The following APOO variants were observed in gnomAD, a reference collection of about 807,000 sequenced individuals.
The protein encoded by APOO is MICOS complex subunit MIC26.
APOO carries 11 observed loss-of-function variants against 23.1 expected under a neutral mutation model. The observed-to-expected ratio is 0.48, with a 90% confidence interval of 0.30 to 0.79. The LOEUF (loss-of-function observed/expected upper bound fraction) is 0.79, where lower values mean the gene tolerates loss of function less well. Ranked by LOEUF, APOO falls within the 30% of genes least tolerant of loss-of-function variation. The pLI is 0.07. For missense variants in APOO, 160 were observed against 142.7 expected (o/e 1.12, Z -0.62); for synonymous variants, 59 against 54.8 (o/e 1.08, Z -0.34).
intron 1 of APOO, among the ~76,000 whole-genome samples, chrX:23,896,085 C>T (rs1324067646): frequency 1.8e-5 from 2 of 110,152 alleles, no homozygotes; most frequent in African/African-American, 3.3e-5. Context: ...ATGACCAACA[C>T]GGTGAAACCC....
intron 8 of APOO, chrX:23,840,092 C>T (rs12012162): frequency 0.053 from 12,876 of 242,923 alleles, 1,244 homozygotes; most frequent in African/African-American, 0.3. Context: ...CAAATCCCAA[C>T]TGTCTGGTTC....
At chrX:23,839,831 T>C (rs1182398084) in intron 8 of APOO, among the ~76,000 whole-genome samples, 1 of 111,671 alleles carries the variant, frequency 9.0e-6, no homozygotes, top group Non-Finnish European at 1.9e-5. Context: ...TTTCCTGTAG[T>C]TGAATATCTA....
chrX:23,893,484 G>A (rs1443177705), intron 1 of APOO, among the ~76,000 whole-genome samples: 1 of 111,253 alleles, frequency 9.0e-6, no homozygotes, highest in Admixed American at 9.6e-5. Context: ...CACAATTCTT[G>A]AAACGTCAAA....
chrX:23,866,455 T>A (rs1235226599), intron 5 of APOO, among the ~76,000 whole-genome samples: 1 of 111,492 alleles, frequency 9.0e-6, no homozygotes, highest in African/African-American at 3.3e-5. Context: ...CAGGGCAGTG[T>A]CTACCCTCCA....
At chrX:23,898,239 C>T (rs1427894593) in intron 1 of APOO, among the ~76,000 whole-genome samples, 2 of 108,791 alleles carry the variant, frequency 1.8e-5, no homozygotes, top group African/African-American at 6.7e-5. Context: ...GCTGGGACTA[C>T]AGGCAGGCAC....
In APOO at chrX:23,850,426, G is replaced by C. The variant is rs921820631; in HGVS notation, c.561+5876C>G. On this transcript the variant is annotated intron_variant, in intron 7 of 8. Coordinates refer to ENST00000379226, the MANE Select transcript of APOO (RefSeq NM_024122.5). ...GAAGATATGCAGACCCTATGAATCAGGAACCCTGGTCTAGAAAAATTCTTC... is the reference window on the plus strand; with the variant it reads ...GAAGATATGCAGACCCTATGAATCACGAACCCTGGTCTAGAAAAATTCTTC... Among the ~76,000 whole-genome samples, 6 of 112,009 alleles carry C rather than the reference G, an allele frequency of 5.4e-5. No homozygotes were observed. The Admixed American group carries it at 5.8e-4, about 11-fold the overall frequency.
intron 1 of APOO, among the ~76,000 whole-genome samples, chrX:23,893,741 T>C (rs1187549834): frequency 5.5e-5 from 6 of 110,026 alleles, no homozygotes; most frequent in Non-Finnish European, 9.5e-5. Flanking sequence ...GCTAATTTTT[T>C]TTGTATTTTC....
chrX:23,877,945 A>C (rs979291830), intron 3 of APOO, among the ~76,000 whole-genome samples: 5 of 112,086 alleles, frequency 4.5e-5, no homozygotes, highest in Non-Finnish European at 9.4e-5. Flanking sequence ...ATAGATTGTA[A>C]ACGTTGGTTA....
At chrX:23,867,078 C>G (rs919626069) in intron 5 of APOO, among the ~76,000 whole-genome samples, 1 of 109,562 alleles carries the variant, frequency 9.1e-6, no homozygotes, top group Non-Finnish European at 1.9e-5. Context: ...CCAGCCTGGG[C>G]GACAGAGTGA....
intron 5 of APOO, among the ~76,000 whole-genome samples, chrX:23,861,093 C>T (rs899912904): frequency 9.0e-6 from 1 of 111,167 alleles, no homozygotes; most frequent in Non-Finnish European, 1.9e-5. Flanking sequence ...TGAGCTGTGT[C>T]TATGCCACTG....
rs143362355 is a variant in APOO, at chrX:23,849,583, T to TAAAAAAAAAAAAAAAAA, written c.561+6702_561+6718dup. Among the ~76,000 whole-genome samples, 31 of 32,591 alleles carry TAAAAAAAAAAAAAAAAA rather than the reference T, an allele frequency of 9.5e-4. 5 individuals carry two copies. Among genetic ancestry groups the TAAAAAAAAAAAAAAAAA allele is most frequent in the African/African-American group, 1.2e-3 (9 of 7,233 alleles). The allele number at this position is 32,591 out of a possible 115,157, so 28.3% of individuals were successfully genotyped here. On this transcript the variant is annotated intron_variant, in intron 7 of 8. Transcript: ENST00000379226. ...GGGAGCCTGTAGATTAAGAGAGACT[T>TAAAAAAAAAAAAAAAAA]AAAAAAAAAAAAAAAAAAAAAAAAA... is the stretch of plus-strand genomic sequence containing the variant.
intron 7 of APOO, among the ~76,000 whole-genome samples, chrX:23,843,147 C>T (rs752851221): frequency 8.9e-6 from 1 of 112,112 alleles, no homozygotes; most frequent in East Asian, 2.8e-4. Flanking sequence ...TCGCCAGTAC[C>T]TCAATCTCAA....
At chrX:23,870,859 T>G (rs1404510700) in intron 4 of APOO, among the ~76,000 whole-genome samples, 1 of 110,647 alleles carries the variant, frequency 9.0e-6, no homozygotes, top group Admixed American at 9.8e-5. Context: ...GGGAGGCCGA[T>G]GCAGGCAGAT....
chrX:23,900,803 T>C (rs12009114), intron 1 of APOO, among the ~76,000 whole-genome samples: 7,196 of 111,014 alleles, frequency 0.065, 505 homozygotes, highest in African/African-American at 0.2. Flanking sequence ...TGATCCACTG[T>C]CTAACTTCTT....
At chrX:23,870,561 G>T (rs1026341554) in intron 4 of APOO, among the ~76,000 whole-genome samples, 1 of 100,834 alleles carries the variant, frequency 9.9e-6, no homozygotes, top group Non-Finnish European at 2.0e-5. Context: ...CAAGGTGGGA[G>T]GATTGCTTGA....
At chrX:23,890,479 T>C (rs1926604818) in intron 1 of APOO, among the ~76,000 whole-genome samples, 1 of 112,324 alleles carries the variant, frequency 8.9e-6, no homozygotes, top group Non-Finnish European at 1.9e-5. Context: ...AATTCACTTA[T>C]GCCCCGTTTA....
At position 23,868,200 on chromosome X, in the gene APOO, A is replaced by G. The variant is rs751422592; in HGVS notation, c.388+393T>C. On this transcript the variant is annotated intron_variant, in intron 5 of 8. Transcript: ENST00000379226. Reference sequence around the variant, plus strand: ...GTTTTTGTCATCACTGACTGAAGGCATGACAAATCAAGAAGGTAATAAAAT... The same window carrying G: ...GTTTTTGTCATCACTGACTGAAGGCGTGACAAATCAAGAAGGTAATAAAAT... 8.9e-5 allele frequency among the ~76,000 whole-genome samples: 10 copies of G among 112,297 alleles called. No homozygotes were observed. The South Asian group carries it at 3.7e-3, about 41-fold the overall frequency.
intron 1 of APOO, among the ~76,000 whole-genome samples, chrX:23,884,556 C>T (rs1485174515): frequency 8.9e-6 from 1 of 111,870 alleles, no homozygotes; most frequent in Non-Finnish European, 1.9e-5. Context: ...AACATATGCA[C>T]TACCTCACAA....
chrX:23,846,042 C>T lies in APOO; in HGVS notation c.562-5665G>A, dbSNP rs765045687. On this transcript the variant is annotated intron_variant, in intron 7 of 8. Transcript: ENST00000379226. ...ACTCTAAGCTGGGTGCGGTGGCTCACGCCTGTAATCCCAGCACTTTGGGAG... is the reference window on the plus strand; with the variant it reads ...ACTCTAAGCTGGGTGCGGTGGCTCATGCCTGTAATCCCAGCACTTTGGGAG... Among the ~76,000 whole-genome samples, 185 of 111,712 alleles carry T rather than the reference C, an allele frequency of 1.7e-3. 1 individual carries two copies. The highest frequency in any genetic ancestry group is 5.7e-3 in the African/African-American group (176 of 30,846).
Sources: gnomAD v4.1 joint callset for allele counts (sites outside exome capture counted in the v4.1 genomes callset) on GRCh38, gnomAD v4.1.1 for gene constraint, MANE v1.5 for transcripts, NCBI Gene and HGNC (gene_info 2026-07-23, HGNC 2026-07-21) for gene names.